PLCE1: variants seen among roughly 807,000 people sequenced by gnomAD.
PLCE1 encodes the protein phospholipase C epsilon 1, also known as 1-phosphatidylinositol 4,5-bisphosphate phosphodiesterase epsilon-1.
A neutral mutation model predicts 242.8 loss-of-function variants in PLCE1; 119 were observed. The observed-to-expected ratio is 0.49, with a 90% CI of 0.42 to 0.57. PLCE1 has a LOEUF of 0.57. PLCE1 is among the 20% of genes least tolerant of loss of function. PLCE1 has a pLI of 0.00. For missense variants in PLCE1, 2,441 were observed against 2,788.8 expected (o/e 0.88, Z 2.81); for synonymous variants, 945 against 1,017.4 (o/e 0.93, Z 1.35).
At chr10:94,204,721 A>G (rs2049092694) in intron 4 of PLCE1, among the ~76,000 whole-genome samples, 1 of 148,708 alleles carries the variant, frequency 6.7e-6, no homozygotes, top group Admixed American at 6.8e-5. Context: ...GAAAAGAAGG[A>G]AGGAAGGAAG....
chr10:94,271,341 G>A (rs1016937783), intron 18 of PLCE1, among the ~76,000 whole-genome samples: 24 of 120,786 alleles, frequency 2.0e-4, no homozygotes, highest in Non-Finnish European at 3.6e-4. Context: ...TTGCGATGGA[G>A]TCTCGCTCTG....
chr10:94,275,036 C>T (rs2051890540), intron 19 of PLCE1, among the ~76,000 whole-genome samples: 1 of 152,122 alleles, frequency 6.6e-6, no homozygotes, highest in Admixed American at 6.6e-5. Flanking sequence ...AAGCTGCTAA[C>T]CACACATACC....
intron 1 of PLCE1, among the ~76,000 whole-genome samples, chr10:94,026,077 A>T (rs1050536764): frequency 6.6e-6 from 1 of 152,186 alleles, no homozygotes; most frequent in Non-Finnish European, 1.5e-5. Context: ...GGGACTCAGT[A>T]TGTAGTTTTC....
At chr10:94,301,189 C>T (rs2053023848) in intron 24 of PLCE1, among the ~76,000 whole-genome samples, 1 of 151,146 alleles carries the variant, frequency 6.6e-6, no homozygotes. Context: ...TACTGAAATA[C>T]AAAAACTAGC....
Position 94,324,987 on chromosome 10 carries a change from T to C in PLCE1, c.6816T>C (p.Pro2272=), listed in dbSNP as rs2053957245. ...STKQPRGLTS[P]SQLLTSESIQ... is the part of the protein sequence containing the mutation. Reference sequence around the variant, plus strand: ...AACAGCCCCGAGGACTTACATCACCTTCTCAGCTCTTGACCTCAGAAAGTA... The same window carrying C: ...AACAGCCCCGAGGACTTACATCACCCTCTCAGCTCTTGACCTCAGAAAGTA... The change falls in exon 32 of 33, where the codon CCT becomes CCC. Residue 2272 remains proline, a synonymous_variant. Coordinates refer to ENST00000371380, the MANE Select transcript of PLCE1 (RefSeq NM_016341.4). The C allele has an allele frequency of 6.2e-7, 1 of 1,614,176 alleles. No homozygotes were observed. Among genetic ancestry groups the C allele is most frequent in the South Asian group, 1.1e-5 (1 of 91,084 alleles).
rs2049920875 is a variant in PLCE1 at position 94,225,869 on chromosome 10, G to A, written c.1810-1437G>A. On this transcript the variant is annotated intron_variant, in intron 4 of 32. Transcript: ENST00000371380. ...TTACAGGCAGTATGCCATTGACCTT[G>A]AGCTCTTATTTCCTGCAGTTGTCAT... Among the ~76,000 whole-genome samples, 3 of 152,312 alleles carry A rather than the reference G, an allele frequency of 2.0e-5. No individual in the cohort carries two copies. The South Asian group carries it at 6.2e-4, about 32-fold the overall frequency.
At chr10:94,302,579 CT>C (rs1255768077) in intron 24 of PLCE1, among the ~76,000 whole-genome samples, 1 of 152,138 alleles carries the variant, frequency 6.6e-6, no homozygotes. Context: ...ATCTCATTTA[CT>C]GTATCCACAC....
At chr10:94,289,418 A>C (rs754954756) in intron 22 of PLCE1, among the ~76,000 whole-genome samples, 1 of 152,224 alleles carries the variant, frequency 6.6e-6, no homozygotes, top group Non-Finnish European at 1.5e-5. Context: ...TTATATTTAC[A>C]GTAATGCATC....
At position 94,316,685 on chromosome 10, in the gene PLCE1, A is replaced by G. The variant is rs1000159715; in HGVS notation, c.6271A>G (p.Met2091Val). ...QRAIGPEEEI[M>V]QILSSWFPEE... ...AGCCATTGGTCCAGAAGAGGAGATC[A>G]TGCAAATTTTAAGCAGCTGGTTTCC... The change falls in exon 29 of 33, where the codon ATG (methionine) becomes GTG (valine). Residue 2091 changes from methionine to valine, a missense_variant. This residue lies in a region of PLCE1 where 310 missense variants were observed against 317.2 expected (regional missense o/e 0.98). Coordinates refer to ENST00000371380, the MANE Select transcript of PLCE1 (RefSeq NM_016341.4). 26 of 1,613,928 alleles carry G rather than the reference A, an allele frequency of 1.6e-5. No individual in the cohort carries two copies. The highest frequency in any genetic ancestry group is 1.9e-5 in the Non-Finnish European group (23 of 1,179,764).
chr10:94,048,008 A>G (rs2134735046), intron 2 of PLCE1, among the ~76,000 whole-genome samples: 1 of 152,320 alleles, frequency 6.6e-6, no homozygotes, highest in Non-Finnish European at 1.5e-5. Context: ...GTTGTTTTGA[A>G]GTTTATATAA....
intron 3 of PLCE1, among the ~76,000 whole-genome samples, chr10:94,147,719 C>A (rs1425791379): frequency 6.6e-6 from 1 of 152,070 alleles, no homozygotes; most frequent in Non-Finnish European, 1.5e-5. Flanking sequence ...AGCTAAGAAC[C>A]AAGCCCTAGA....
intron 5 of PLCE1, among the ~76,000 whole-genome samples, chr10:94,230,985 C>G (rs2050124324): frequency 6.6e-6 from 1 of 152,052 alleles, no homozygotes; most frequent in Non-Finnish European, 1.5e-5. Flanking sequence ...CTGTCTATCC[C>G]TAATAACCTC....
chr10:94,031,627 A>G lies in PLCE1; in HGVS notation c.581A>G (p.Asp194Gly), dbSNP rs2134496222. 6.2e-7 allele frequency: 1 copy of G among 1,613,674 alleles called. No individual in the cohort carries two copies. The highest frequency in any genetic ancestry group is 8.5e-7 in the Non-Finnish European group (1 of 1,179,850). The change falls in exon 2 of 33, where the codon GAC becomes GGC. Residue 194 changes from aspartate (D) to glycine (G), a missense_variant. Asp to Gly is a moderately conservative substitution (Grantham distance 94). This residue lies in a region of PLCE1 where 393 missense variants were observed against 378.5 expected (regional missense o/e 1.04). Transcript: ENST00000371380. ...GTATTTCATTTTCATTATGAAGTTGACAGAAGAATGTCAGACACTTTCTGT... is the reference window on the plus strand; with the variant it reads ...GTATTTCATTTTCATTATGAAGTTGGCAGAAGAATGTCAGACACTTTCTGT... ...RAVFHFHYEV[D>G]RRMSDTFCTL...
At chr10:94,113,590 A>G (rs1168666016) in intron 2 of PLCE1, among the ~76,000 whole-genome samples, 1 of 152,216 alleles carries the variant, frequency 6.6e-6, no homozygotes, top group Non-Finnish European at 1.5e-5. Context: ...GTATGTATTC[A>G]TTCATTCAAT....
At chr10:94,301,299 G>A (rs758688827) in intron 24 of PLCE1, among the ~76,000 whole-genome samples, 7 of 151,770 alleles carry the variant, frequency 4.6e-5, no homozygotes, top group Non-Finnish European at 8.8e-5. Flanking sequence ...AGCCGAGATC[G>A]CGCCACTGCA....
intron 22 of PLCE1, among the ~76,000 whole-genome samples, chr10:94,288,035 C>T (rs1435180356): frequency 6.6e-6 from 1 of 152,100 alleles, no homozygotes; most frequent in Non-Finnish European, 1.5e-5. Context: ...CTCCTAGATA[C>T]CCAGTTGTTC....
intron 1 of PLCE1, among the ~76,000 whole-genome samples, chr10:93,999,277 C>A (rs938216026): frequency 6.6e-6 from 1 of 152,182 alleles, no homozygotes; most frequent in Admixed American, 6.5e-5. Context: ...ATCCCCACAA[C>A]CCACTTTCTG....
Position 94,246,093 on chromosome 10 carries a change from T to A in PLCE1, c.2568T>A (p.Asp856Glu), listed in dbSNP as rs1313467465. The change falls in exon 8 of 33, where the codon GAT (aspartate) becomes GAA (glutamate). Residue 856 changes from aspartate (D) to glutamate (E), a missense_variant. Coordinates refer to ENST00000371380, the MANE Select transcript of PLCE1 (RefSeq NM_016341.4). The stretch of plus-strand genomic sequence containing the variant: ...GGTACGTGCTGTCCATCCAAGCCGA[T>A]GTGCACCAGTTCCTGCTGCAGGGGG... The part of the protein sequence containing the change: ...IPWYVLSIQA[D>E]VHQFLLQGAT... The A allele has an allele frequency of 1.9e-6, 3 of 1,614,120 alleles. No individual in the cohort carries two copies. Among genetic ancestry groups the A allele is most frequent in the Non-Finnish European group, 2.5e-6 (3 of 1,180,002 alleles).
chr10:94,152,246 G>A (rs2047298788), intron 3 of PLCE1, among the ~76,000 whole-genome samples: 1 of 152,178 alleles, frequency 6.6e-6, no homozygotes, highest in African/African-American at 2.4e-5. Context: ...ATCGTCAAAC[G>A]TAGCTTAAAA....
Sources: gnomAD v4.1 joint callset for allele counts (sites outside exome capture counted in the v4.1 genomes callset) on GRCh38, gnomAD v4.1.1 for gene constraint, gnomAD v4.1.1 regional missense constraint, MANE v1.5 for transcripts, NCBI Gene and HGNC (gene_info 2026-07-23, HGNC 2026-07-21) for gene names.